Variants in ERC2 observed in about 807,000 individuals in gnomAD.
The protein encoded by ERC2 is ERC protein 2.
Under a neutral mutation model 114.8 loss-of-function variants are expected in ERC2, and 42 were observed. The observed-to-expected ratio is 0.37, with a 90% confidence interval of 0.29 to 0.47. ERC2 has a LOEUF of 0.47. Among genes scored for constraint, ERC2 ranks in the 20% least tolerant of loss-of-function variants. ERC2 has a pLI of 0.99. For synonymous variants in ERC2, 454 were observed against 425.5 expected (o/e 1.07, Z -0.82); for missense variants, 939 against 1,150.7 (o/e 0.82, Z 2.66).
At chr3:56,031,251 A>G (rs1013750004) in intron 7 of ERC2, among the ~76,000 whole-genome samples, 4 of 152,070 alleles carry the variant, frequency 2.6e-5, no homozygotes, top group Non-Finnish European at 5.9e-5. Context: ...GTGGACCCCA[A>G]CCCAAGCTGA....
At chr3:55,880,354 A>G (rs1021502637) in intron 14 of ERC2, among the ~76,000 whole-genome samples, 3 of 152,176 alleles carry the variant, frequency 2.0e-5, no homozygotes, top group African/African-American at 4.8e-5. Context: ...GTTAAGTTTT[A>G]CTTACCCACT....
chr3:56,151,816 C>T (rs987395430), intron 4 of ERC2, among the ~76,000 whole-genome samples: 4 of 151,972 alleles, frequency 2.6e-5, no homozygotes, highest in African/African-American at 4.8e-5. Context: ...AGAAACTCGA[C>T]GCGCTAATCT....
intron 3 of ERC2, among the ~76,000 whole-genome samples, chr3:56,239,615 A>G (rs1469953288): frequency 1.3e-5 from 2 of 152,232 alleles, no homozygotes; most frequent in Admixed American, 6.5e-5. Flanking sequence ...ACTTGGGAGC[A>G]TTAACTTAGA....
rs911463390 is a variant in ERC2 at position 55,980,011 on chromosome 3, CCCATCCCCAAACA to C, written c.2267+5953_2267+5965del. On this transcript the variant is annotated intron_variant, in intron 12 of 17. Coordinates refer to ENST00000288221, the MANE Select transcript of ERC2 (RefSeq NM_015576.3). ...GAGGCTCTTCAAGGGAAAATTTATTCCCATCCCCAAACACAGTCTACAATTTCTAAAACTAAAG... is the reference window on the plus strand; with the variant it reads ...GAGGCTCTTCAAGGGAAAATTTATTCCAGTCTACAATTTCTAAAACTAAAG... Among the ~76,000 whole-genome samples, 4 of 140,398 alleles carry C rather than the reference CCCATCCCCAAACA, an allele frequency of 2.8e-5. No homozygotes were observed. The Admixed American group carries it at 2.9e-4, about 10-fold the overall frequency. The allele number at this position is 140,398 out of a possible 152,430, so 92.1% of individuals were successfully genotyped here. A position where few individuals can be genotyped will look rare whatever the true frequency, so the allele number is the denominator to read the frequency against.
intron 14 of ERC2, among the ~76,000 whole-genome samples, chr3:55,852,196 G>A (rs58216059): frequency 0.014 from 2,183 of 152,250 alleles, 36 homozygotes; most frequent in East Asian, 0.069. Context: ...CTCCAGCCTG[G>A]GTGACAGGGT....
intron 13 of ERC2, among the ~76,000 whole-genome samples, chr3:55,916,420 C>A (rs1054951416): frequency 3.3e-5 from 5 of 152,154 alleles, no homozygotes; most frequent in Non-Finnish European, 7.4e-5. Flanking sequence ...CAAAAACTAT[C>A]TCTAAGATTC....
intron 6 of ERC2, among the ~76,000 whole-genome samples, chr3:56,100,651 A>C (rs976378214): frequency 2.6e-4 from 40 of 152,240 alleles, no homozygotes; most frequent in African/African-American, 9.6e-4. Context: ...GGCAAATTTC[A>C]TCATATTCAT....
At chr3:55,926,876 T>C (rs1187256012) in intron 13 of ERC2, among the ~76,000 whole-genome samples, 3 of 152,214 alleles carry the variant, frequency 2.0e-5, no homozygotes. Context: ...CAATGCATAA[T>C]ACAGTTCCTG....
intron 3 of ERC2, among the ~76,000 whole-genome samples, chr3:56,174,537 T>G (rs541991410): frequency 6.6e-5 from 10 of 152,216 alleles, no homozygotes; most frequent in Non-Finnish European, 1.3e-4. Flanking sequence ...TTCTAGACTT[T>G]CAGAACCACT....
intron 7 of ERC2, among the ~76,000 whole-genome samples, chr3:56,026,320 G>A (rs1359791968): frequency 6.6e-6 from 1 of 152,136 alleles, no homozygotes; most frequent in Non-Finnish European, 1.5e-5. Context: ...AAAGTGCTGG[G>A]ATTAGAGGCA....
chr3:55,521,851 G>T (rs1827170), intron 17 of ERC2, among the ~76,000 whole-genome samples: 3,362 of 152,310 alleles, frequency 0.022, 72 homozygotes, highest in Middle Eastern at 0.048. Context: ...GTTGACACAC[G>T]CTGGCCTGGG....
intron 13 of ERC2, among the ~76,000 whole-genome samples, chr3:55,899,512 T>A (rs551655062): frequency 2.6e-5 from 4 of 151,890 alleles, no homozygotes; most frequent in Non-Finnish European, 4.4e-5. Flanking sequence ...TGTGTGTGTG[T>A]GAGAGAGAGA....
intron 17 of ERC2, chr3:55,606,482 C>T (rs1229205241): frequency 6.6e-6 from 1 of 152,180 alleles, no homozygotes; most frequent in Non-Finnish European, 1.5e-5. Context: ...CAACCAATGA[C>T]CAACCTTCCT....
intron 8 of ERC2, among the ~76,000 whole-genome samples, chr3:56,017,385 T>TATTC (rs772205998): frequency 1.4e-4 from 21 of 152,178 alleles, no homozygotes; most frequent in Non-Finnish European, 2.8e-4. Context: ...TAAAGGATTT[T>TATTC]ATTCATTCAT....
At chr3:55,610,511 A>ACACC (rs2058862477) in intron 17 of ERC2, 2 of 139,392 alleles carry the variant, frequency 1.4e-5, no homozygotes, top group South Asian at 2.2e-4. Context: ...GGAAAAACAC[A>ACACC]CACACACACA....
intron 2 of ERC2, among the ~76,000 whole-genome samples, chr3:56,336,093 G>A (rs948054189): frequency 7.9e-5 from 12 of 152,184 alleles, no homozygotes; most frequent in African/African-American, 2.9e-4. Flanking sequence ...AAAGCCCTGA[G>A]GCAAAGAGCA....
intron 14 of ERC2, among the ~76,000 whole-genome samples, chr3:55,820,249 C>A (rs2060071543): frequency 6.6e-6 from 1 of 152,076 alleles, no homozygotes; most frequent in Admixed American, 6.5e-5. Flanking sequence ...AAACAAGGAC[C>A]TCAGGCAGAC....
rs762175541 is a variant in ERC2 at position 55,888,535 on chromosome 3, C to T, written c.2418G>A (p.Met806Ile). The T allele has an allele frequency of 4.3e-6, 7 of 1,613,846 alleles. No homozygotes were observed. The South Asian group carries it at 7.7e-5, about 18-fold the overall frequency. ...CCTGTCTGGTCTTCTCCAGTGCATT[C>T]ATCAGTTCCTCTATCTGAAAGGCAC... ...NSQHLQIEEL[M>I]NALEKTRQEL... The change falls in exon 14 of 18, where the codon ATG (methionine) becomes ATA (isoleucine). Residue 806 changes from methionine to isoleucine, a missense_variant. By Grantham distance (10) the Met-to-Ile change is conservative. Coordinates refer to ENST00000288221, the MANE Select transcript of ERC2 (RefSeq NM_015576.3).
chr3:55,776,817 C>G (rs937613410), intron 14 of ERC2, among the ~76,000 whole-genome samples: 2 of 152,070 alleles, frequency 1.3e-5, no homozygotes, highest in African/African-American at 4.8e-5. Context: ...AACATAGCAC[C>G]CAACATGGCA....
Sources: gnomAD v4.1 joint callset for allele counts (sites outside exome capture counted in the v4.1 genomes callset) on GRCh38, gnomAD v4.1.1 for gene constraint, MANE v1.5 for transcripts, NCBI Gene and HGNC (gene_info 2026-07-23, HGNC 2026-07-21) for gene names.